Variants in TEKT3 observed in about 807,000 individuals in gnomAD.
TEKT3 encodes tektin 3, also known as tektin-3.
TEKT3 carries 49 observed loss-of-function variants against 49.8 expected under a neutral mutation model. That is an observed-to-expected ratio of 0.98 (90% CI 0.78 to 1.25). TEKT3 has a LOEUF of 1.25. Ranked by LOEUF, TEKT3 falls within the 50% of genes most tolerant of loss-of-function variation. The probability of loss-of-function intolerance (pLI) is 0.00; values close to 1 mark genes in which losing one functional copy is unlikely to be tolerated. For synonymous variants in TEKT3, 225 were observed against 237.2 expected, an observed-to-expected ratio of 0.95 and a Z score of 0.47; for missense variants, 595 against 629.5, an observed-to-expected ratio of 0.95 and a Z score of 0.59.
intron 8 of TEKT3, among the ~76,000 whole-genome samples, chr17:15,305,670 G>A (rs551564239): frequency 6.6e-6 from 1 of 151,900 alleles, no homozygotes; most frequent in African/African-American, 2.4e-5. Context: ...GAACCCCAAC[G>A]TAGGAAACAG....
chr17:15,338,671 A>AT (rs60841981), intron 2 of TEKT3: 1,040 of 94,146 alleles, frequency 0.011, 17 homozygotes, highest in Middle Eastern at 0.022. Flanking sequence ...CACCTGGCTA[A>AT]TTTTTTTTTT....
At chr17:15,331,853 G>A (rs181401636) in intron 2 of TEKT3, among the ~76,000 whole-genome samples, 2 of 152,024 alleles carry the variant, frequency 1.3e-5, no homozygotes, top group East Asian at 3.9e-4. Flanking sequence ...TTGGACTTTT[G>A]AATTTTTGTG....
chr17:15,313,205 C>A (rs1910844841), intron 6 of TEKT3, among the ~76,000 whole-genome samples: 1 of 152,176 alleles, frequency 6.6e-6, no homozygotes, highest in African/African-American at 2.4e-5. Context: ...ATATACCAGG[C>A]AAATTCATGT....
Position 15,314,164 on chromosome 17 carries a change from G to T in TEKT3, c.801C>A (p.Ile267=). ...TGCGCAGGTGGTGGCATTTGTCGTC[G>T]ATCCGGTAAGCCGTCTGTTTGTCAC... The part of the protein sequence containing the change: ...DLSDKQTAYR[I]DDKCHHLRNT... The change falls in exon 6 of 9, where the codon ATC becomes ATA. Residue 267 remains isoleucine, a synonymous_variant. Coordinates refer to ENST00000395930, the MANE Select transcript of TEKT3 (RefSeq NM_031898.3). 1 of 1,614,198 alleles carries T rather than the reference G, an allele frequency of 6.2e-7. No individual in the cohort carries two copies. The highest frequency in any genetic ancestry group is 8.5e-7 in the Non-Finnish European group (1 of 1,180,042).
chr17:15,328,019 G>T lies in TEKT3; in HGVS notation c.636C>A (p.His212Gln), dbSNP rs146052294. 4 of 1,613,660 alleles carry T rather than the reference G, an allele frequency of 2.5e-6. No individual in the cohort carries two copies. In the African/African-American group the frequency reaches 4.0e-5, roughly 16 times the overall value. ...TCAGCAGTTGTGCTTCAACTTCATC[G>T]TGAACTAGGTCGATTCCCATTCTCT... ...REKRMGIDLVHDEVEAQLLTE... is the reference protein window; with the variant it reads ...REKRMGIDLVQDEVEAQLLTE... Residue 212 changes from histidine to glutamine, a missense_variant, in exon 4 of 9, where the codon CAC becomes CAA. Physicochemically the swap from His to Gln is conservative, Grantham distance 24. Transcript: ENST00000395930.
intron 2 of TEKT3, among the ~76,000 whole-genome samples, chr17:15,333,068 G>T (rs1483037505): frequency 1.4e-5 from 2 of 145,534 alleles, no homozygotes; most frequent in Non-Finnish European, 3.0e-5. Context: ...CACTCCCCCT[G>T]TTAGAACATA....
intron 7 of TEKT3, among the ~76,000 whole-genome samples, chr17:15,311,994 T>C (rs541029971): frequency 6.6e-6 from 1 of 152,348 alleles, no homozygotes; most frequent in South Asian, 2.1e-4. Flanking sequence ...AATAATATTT[T>C]TGTTTCTATT....
intron 4 of TEKT3, among the ~76,000 whole-genome samples, chr17:15,323,536 C>T (rs1017458426): frequency 2.0e-5 from 3 of 152,180 alleles, no homozygotes; most frequent in Non-Finnish European, 2.9e-5. Context: ...CAATTATCAC[C>T]GACTGAACGT....
intron 5 of TEKT3, 77 bp downstream of exon 5, chr17:15,319,000 A>C: frequency 8.2e-7 from 1 of 1,215,460 alleles, no homozygotes; most frequent in Non-Finnish European, 1.2e-6. Context: ...TAAGAAATTA[A>C]GAGAAATTTC....
At chr17:15,327,809 C>A (rs1911552756) in intron 4 of TEKT3, 183 bp downstream of exon 4, 3 of 464,902 alleles carry the variant, frequency 6.5e-6, no homozygotes, top group Non-Finnish European at 1.1e-5. Flanking sequence ...TTTGCATTTT[C>A]ATATTCTCAT....
In TEKT3 at chr17:15,334,972, T is replaced by C. The variant is rs1911923606; in HGVS notation, c.-29-3358A>G. Among the ~76,000 whole-genome samples, 4 of 152,186 alleles carry C rather than the reference T, an allele frequency of 2.6e-5. No homozygotes were observed. The South Asian group carries it at 6.2e-4, about 24-fold the overall frequency. ...TAAAAACCAGACTTAGCCTCTTATA[T>C]CTAAAAATCTAGACAAAATATATGA... On this transcript the variant is annotated intron_variant, in intron 2 of 8. Coordinates refer to ENST00000395930, the MANE Select transcript of TEKT3 (RefSeq NM_031898.3).
At chr17:15,310,085 A>T (rs1219262981) in intron 7 of TEKT3, among the ~76,000 whole-genome samples, 1 of 152,172 alleles carries the variant, frequency 6.6e-6, no homozygotes, top group Non-Finnish European at 1.5e-5. Context: ...CACTGTTTCT[A>T]TCACTAAGGC....
chr17:15,322,039 G>A (rs1911291077), intron 4 of TEKT3, among the ~76,000 whole-genome samples: 1 of 152,088 alleles, frequency 6.6e-6, no homozygotes, highest in South Asian at 2.1e-4. Context: ...CATATGCCTT[G>A]AGAGTGTGGA....
In TEKT3 at chr17:15,306,572, A is replaced by G. The variant is rs1231312440; in HGVS notation, c.1256+2092T>C. 7.4e-5 allele frequency among the ~76,000 whole-genome samples: 11 copies of G among 149,012 alleles called. No individual in the cohort carries two copies. In the East Asian group the frequency reaches 2.2e-3, roughly 29 times the overall value. On this transcript the variant is annotated intron_variant, in intron 8 of 8. Coordinates refer to ENST00000395930, the MANE Select transcript of TEKT3 (RefSeq NM_031898.3). ...GCCAGGAATAGGAAAAAAAAAAAAAAGAGTAAAAATCATTCAGCTCCTCAG... is the reference window on the plus strand; with the variant it reads ...GCCAGGAATAGGAAAAAAAAAAAAAGGAGTAAAAATCATTCAGCTCCTCAG...
chr17:15,318,427 A>C (rs1429375818), intron 5 of TEKT3, among the ~76,000 whole-genome samples: 1 of 152,246 alleles, frequency 6.6e-6, no homozygotes, highest in Non-Finnish European at 1.5e-5. Context: ...TTTTGAGTTA[A>C]AAGAAATCTT....
chr17:15,331,253 G>A lies in TEKT3; in HGVS notation c.333C>T (p.Asn111=), dbSNP rs1396400688. ...GTTTCTCCGAATTATGTCGGGAAGT[G>A]TTGGACTCTTGATAGTTGGTTAAAT... ...RSNLTNYQES[N]TSRHNSEKLR... is the part of the protein sequence containing the mutation. The change falls in exon 3 of 9, where the codon AAC becomes AAT. Residue 111 remains asparagine, a synonymous_variant. Transcript: ENST00000395930. The A allele has an allele frequency of 6.2e-7, 1 of 1,614,228 alleles. No individual in the cohort carries two copies. The highest frequency in any genetic ancestry group is 8.5e-7 in the Non-Finnish European group (1 of 1,180,042).
At chr17:15,333,785 A>G (rs957781108) in intron 2 of TEKT3, among the ~76,000 whole-genome samples, 4 of 131,500 alleles carry the variant, frequency 3.0e-5, no homozygotes, top group Non-Finnish European at 6.9e-5. Flanking sequence ...TTTTAGACAG[A>G]GTCTCGCTCT....
rs146899608 is a variant in TEKT3 at position 15,314,118 on chromosome 17, A to C, written c.847T>G (p.Tyr283Asp). The C allele has an allele frequency of 6.2e-7, 1 of 1,614,206 alleles. No individual in the cohort carries two copies. Among genetic ancestry groups the C allele is most frequent in the East Asian group, 2.2e-5 (1 of 44,864 alleles). Residue 283 changes from tyrosine to aspartate, a missense_variant, in exon 6 of 9, where the codon TAC (tyrosine) becomes GAC (aspartate). Physicochemically the swap from Tyr to Asp is radical, Grantham distance 160 (BLOSUM62 -3). Transcript: ENST00000395930. ...TCGACCCTCTCCACTCCGCGGAAGTAGCCGACACCGTCTGATGTGTTGCGC... is the reference window on the plus strand; with the variant it reads ...TCGACCCTCTCCACTCCGCGGAAGTCGCCGACACCGTCTGATGTGTTGCGC... ...HLRNTSDGVG[Y>D]FRGVERVDAT...
At chr17:15,315,598 A>C (rs918007658) in intron 5 of TEKT3, among the ~76,000 whole-genome samples, 16 of 152,108 alleles carry the variant, frequency 1.1e-4, no homozygotes, top group Admixed American at 5.2e-4. Flanking sequence ...AGAAAAAAAA[A>C]AAAAAAAGAG....
Sources: allele counts gnomAD v4.1 joint callset (sites outside exome capture counted in the v4.1 genomes callset), GRCh38; gene constraint gnomAD v4.1.1; transcripts MANE v1.5; gene names NCBI Gene and HGNC (gene_info 2026-07-23, HGNC 2026-07-21).